Variants in ZC3H11A observed in about 807,000 individuals in gnomAD.
ZC3H11A encodes the protein zinc finger CCCH domain-containing protein 11A.
In ZC3H11A, 22 loss-of-function variants were observed where a neutral mutation model predicts 90.8. That is an observed-to-expected ratio of 0.24 (90% CI 0.17 to 0.35). The LOEUF (loss-of-function observed/expected upper bound fraction) is 0.35, where lower values mean the gene tolerates loss of function less well. Among genes scored for constraint, ZC3H11A ranks in the 10% least tolerant of loss-of-function variants. The probability of loss-of-function intolerance (pLI) is 1.00; values close to 1 mark genes in which losing one functional copy is unlikely to be tolerated. For missense variants in ZC3H11A, 701 were observed against 964.9 expected (o/e 0.73, Z 3.62); for synonymous variants, 294 against 339.8 (o/e 0.87, Z 1.48).
intron 1 of ZC3H11A, chr1:203,800,182 A>T: frequency 6.6e-7 from 1 of 1,526,468 alleles, no homozygotes; most frequent in Non-Finnish European, 8.8e-7. Flanking sequence ...CCTTTAATTT[A>T]CTGGCAGAGG....
At chr1:203,812,286 T>C (rs1303567724) in intron 2 of ZC3H11A, among the ~76,000 whole-genome samples, 2 of 152,136 alleles carry the variant, frequency 1.3e-5, no homozygotes, top group East Asian at 3.9e-4. Context: ...ACCTTCTACC[T>C]TCTGATAGGC....
At chr1:203,827,810 A>G (rs531148245) in intron 4 of ZC3H11A, among the ~76,000 whole-genome samples, 1 of 152,306 alleles carries the variant, frequency 6.6e-6, no homozygotes, top group Non-Finnish European at 1.5e-5. Flanking sequence ...CTCAGCTTCA[A>G]GTAATAACTG....
At chr1:203,817,352 C>T (rs368670238) in intron 3 of ZC3H11A, among the ~76,000 whole-genome samples, 4 of 152,060 alleles carry the variant, frequency 2.6e-5, no homozygotes, top group Admixed American at 1.3e-4. Context: ...TGAAAAGGCA[C>T]GTGGCATGTA....
intron 9 of ZC3H11A, among the ~76,000 whole-genome samples, chr1:203,832,421 T>C (rs887700760): frequency 1.3e-5 from 2 of 151,828 alleles, no homozygotes; most frequent in East Asian, 1.9e-4. Flanking sequence ...AGTGCAATGG[T>C]GCGATCTCCA....
At chr1:203,828,669 C>T (rs1435256777) in intron 5 of ZC3H11A, among the ~76,000 whole-genome samples, 2 of 152,094 alleles carry the variant, frequency 1.3e-5, no homozygotes, top group Admixed American at 6.6e-5. Flanking sequence ...CTTATCAGAC[C>T]CATAAACGTT....
chr1:203,812,796 C>G (rs1255333653), intron 2 of ZC3H11A, among the ~76,000 whole-genome samples: 1 of 151,734 alleles, frequency 6.6e-6, no homozygotes, highest in African/African-American at 2.4e-5. Flanking sequence ...TTGCCAAGCT[C>G]GTCTTGAACT....
At position 203,829,826 on chromosome 1, in the gene ZC3H11A, A is replaced by G. The variant is rs202178756; in HGVS notation, c.549A>G (p.Gln183=). 9.3e-6 allele frequency: 15 copies of G among 1,614,174 alleles called. No homozygotes were observed. The Admixed American group carries it at 1.5e-4, about 16-fold the overall frequency. ...EGDETKTPTL[Q]PTPEVHNGLR... ...ATGAAACCAAAACACCTACCCTGCA[A>G]CCAACTCCTGAAGTTCACAATGGAT... Residue 183 remains glutamine, a synonymous_variant, in exon 7 of 18, where the codon CAA becomes CAG. Coordinates refer to ENST00000367210, the MANE Select transcript of ZC3H11A (RefSeq NM_001376342.1).
Position 203,818,673 on chromosome 1 carries a change from G to A in ZC3H11A, c.158G>A (p.Arg53Gln), listed in dbSNP as rs779941336. 1.2e-6 allele frequency: 2 copies of A among 1,614,064 alleles called. No homozygotes were observed. The highest frequency in any genetic ancestry group is 1.3e-5 in the African/African-American group (1 of 74,982). ...GRCFRQVCRF[R>Q]HMEIDKKRSE... The stretch of plus-strand genomic sequence containing the variant: ...TGTTTTCGACAGGTGTGCAGGTTTC[G>A]GCACATGGAGATTGATGTAAGTTTT... Residue 53 changes from arginine (R) to glutamine (Q), a missense_variant, in exon 4 of 18, where the codon CGG becomes CAG. This residue lies in a region of ZC3H11A where 59 missense variants were observed against 132.8 expected (regional missense o/e 0.44). Coordinates refer to ENST00000367210, the MANE Select transcript of ZC3H11A (RefSeq NM_001376342.1).
chr1:203,820,396 A>G (rs1044593832), intron 4 of ZC3H11A, among the ~76,000 whole-genome samples: 3 of 151,838 alleles, frequency 2.0e-5, no homozygotes, highest in African/African-American at 4.8e-5. Context: ...ATGTTCTTCA[A>G]TTTGGGTTTG....
intron 4 of ZC3H11A, among the ~76,000 whole-genome samples, chr1:203,825,904 C>A (rs1438474847): frequency 6.6e-6 from 1 of 152,030 alleles, no homozygotes; most frequent in Non-Finnish European, 1.5e-5. Context: ...CTTCGTTGCA[C>A]ATATATTACT....
chr1:203,851,560 C>A (rs891725687), intron 17 of ZC3H11A, among the ~76,000 whole-genome samples: 2 of 152,104 alleles, frequency 1.3e-5, no homozygotes, highest in African/African-American at 2.4e-5. Flanking sequence ...AAACTCCTGA[C>A]GTCAAGTGAT....
At position 203,851,072 on chromosome 1, in the gene ZC3H11A, G is replaced by A. The variant is rs528920540; in HGVS notation, c.2122G>A (p.Val708Ile). 84 of 1,614,142 alleles carry A rather than the reference G, an allele frequency of 5.2e-5. 1 individual carries two copies. In the South Asian group the frequency reaches 8.6e-4, roughly 16 times the overall value. The stretch of plus-strand genomic sequence containing the variant: ...CCTTTTGTAGGCTGTTGTCCCGCTT[G>A]TCTCTGAGGACAAATCAGTCACTGT... ...KKAAVAVVPL[V>I]SEDKSVTVPE... Residue 708 changes from valine to isoleucine, a missense_variant, in exon 17 of 18, where the codon GTC becomes ATC. Val to Ile is a conservative substitution (Grantham distance 29, BLOSUM62 3). Coordinates refer to ENST00000367210, the MANE Select transcript of ZC3H11A (RefSeq NM_001376342.1).
At chr1:203,851,968 C>CAAAAAAAAAA (rs57160781) in intron 17 of ZC3H11A, among the ~76,000 whole-genome samples, 173 bp from the exon 18 acceptor site, 1 of 45,842 alleles carries the variant, frequency 2.2e-5, no homozygotes, top group Non-Finnish European at 3.5e-5. Flanking sequence ...GACTCTGCCT[C>CAAAAAAAAAA]AAAAAAAAAA....
chr1:203,807,868 A>G (rs1227113363), intron 2 of ZC3H11A, among the ~76,000 whole-genome samples: 1 of 151,950 alleles, frequency 6.6e-6, no homozygotes, highest in African/African-American at 2.4e-5. Flanking sequence ...CAGCGTCCCA[A>G]GTAGCTGGGA....
chr1:203,816,577 G>A (rs1676447399), intron 2 of ZC3H11A, among the ~76,000 whole-genome samples: 1 of 152,128 alleles, frequency 6.6e-6, no homozygotes, highest in African/African-American at 2.4e-5. Context: ...GTTGCTGTGA[G>A]CTGTGATCAC....
At chr1:203,796,625 G>A in intron 1 of ZC3H11A, 1 of 395,708 alleles carries the variant, frequency 2.5e-6, no homozygotes, top group East Asian at 3.6e-5. Context: ...GGTATTGGGG[G>A]AAGGGGAGGG....
At chr1:203,797,713 G>T in intron 1 of ZC3H11A, 1 of 1,535,042 alleles carries the variant, frequency 6.5e-7, no homozygotes, top group Non-Finnish European at 8.7e-7. Context: ...AAAAAGAAAA[G>T]AAAGAAGGGT....
At chr1:203,845,038 C>T (rs549239669) in intron 12 of ZC3H11A, among the ~76,000 whole-genome samples, 5 of 152,036 alleles carry the variant, frequency 3.3e-5, no homozygotes, top group East Asian at 1.9e-4. Context: ...CAGATCCCAC[C>T]GTTGCTTTTA....
At position 203,830,219 on chromosome 1, in the gene ZC3H11A, T is replaced by G; in HGVS notation, c.700+16T>G. ...AAGCAAGGTGGTAAGTCATCACGTT[T>G]TGGCATGGATAGTTGTATGTTGCTA... On this transcript the variant is annotated intron_variant, in intron 8 of 17. Coordinates refer to ENST00000367210, the MANE Select transcript of ZC3H11A (RefSeq NM_001376342.1). 1 of 1,574,270 alleles carries G rather than the reference T, an allele frequency of 6.4e-7. No homozygotes were observed. The highest frequency in any genetic ancestry group is 8.6e-7 in the Non-Finnish European group (1 of 1,159,856).
Sources: allele counts gnomAD v4.1 joint callset (sites outside exome capture counted in the v4.1 genomes callset), GRCh38; gene constraint gnomAD v4.1.1; regional missense constraint gnomAD v4.1.1; transcripts MANE v1.5; gene names NCBI Gene and HGNC (gene_info 2026-07-23, HGNC 2026-07-21).